Variants in CTBP2 observed in about 807,000 individuals in gnomAD.
The protein encoded by CTBP2 is C-terminal binding protein 2.
A neutral mutation model predicts 80.3 loss-of-function variants in CTBP2; 30 were observed. That is an observed-to-expected ratio of 0.37 (90% confidence interval 0.28 to 0.51). The LOEUF is 0.51. CTBP2 is among the 20% of genes least tolerant of loss of function. CTBP2 has a pLI of 0.93. For synonymous variants in CTBP2, 594 were observed against 587.4 expected, an observed-to-expected ratio of 1.01 and a Z score of -0.16; for missense variants, 1,212 against 1,375.3, an observed-to-expected ratio of 0.88 and a Z score of 1.88.
At chr10:125,041,928 T>TAA (rs61316302) in intron 2 of CTBP2, among the ~76,000 whole-genome samples, 1 of 123,214 alleles carries the variant, frequency 8.1e-6, no homozygotes, top group Non-Finnish European at 1.7e-5. Context: ...ATTCCACTAT[T>TAA]AAAAAAAAAA....
intron 1 of CTBP2, among the ~76,000 whole-genome samples, chr10:125,015,580 C>A (rs1289083165): frequency 1.3e-5 from 2 of 152,212 alleles, no homozygotes; most frequent in Non-Finnish European, 2.9e-5. Context: ...CCCATGCAGC[C>A]CAAACCCTAG....
intron 3 of CTBP2, among the ~76,000 whole-genome samples, chr10:125,001,913 C>T (rs574526446): frequency 4.6e-5 from 7 of 152,326 alleles, no homozygotes; most frequent in South Asian, 2.1e-4. Flanking sequence ...TCCCTGAAAA[C>T]GTGGCCGGTG....
chr10:124,984,758 C>T lies in CTBP2; in HGVS notation c.*4760G>A. ...TGTTGTATGATTTTCCCTTTGTCTT[C>T]ATATTCCTCCAAAAGCTAGGTAATG... On this transcript the variant is annotated 3_prime_UTR_variant, in exon 9 of 9. Transcript: ENST00000309035. 6.2e-7 allele frequency: 1 copy of T among 1,610,302 alleles called. No individual in the cohort carries two copies. Among genetic ancestry groups the T allele is most frequent in the Non-Finnish European group, 8.5e-7 (1 of 1,177,570 alleles).
intron 2 of CTBP2, among the ~76,000 whole-genome samples, chr10:125,059,794 T>A (rs1048063786): frequency 6.6e-6 from 1 of 150,402 alleles, no homozygotes; most frequent in Non-Finnish European, 1.5e-5. Context: ...CCCCACCAGC[T>A]CCAGGAGGCG....
At chr10:125,045,062 T>C (rs755998497) in intron 2 of CTBP2, among the ~76,000 whole-genome samples, 6 of 152,196 alleles carry the variant, frequency 3.9e-5, no homozygotes, top group South Asian at 2.1e-4. Flanking sequence ...GTGCAAACCC[T>C]AATGCCCACA....
intron 1 of CTBP2, among the ~76,000 whole-genome samples, chr10:125,019,267 TTTCTACATCGCTAACGTG>T (rs1359589589): frequency 7.2e-5 from 11 of 152,214 alleles, no homozygotes; most frequent in South Asian, 2.1e-4. Flanking sequence ...ATCACACTCG[TTTCTACATCGCTAACGTG>T]GGCTAATTAG....
In CTBP2 at chr10:125,145,919, GA is replaced by G. The variant is rs750240478; in HGVS notation, c.-206+14399del. ...AGGACCATTTTGCTTTTCCAAGTGA[GA>G]TTTTTTTTTTTTTTTAATTTGAGAC... On this transcript the variant is annotated intron_variant, in intron 1 of 10. Transcript: ENST00000337195. 3.9e-3 allele frequency among the ~76,000 whole-genome samples: 593 copies of G among 151,414 alleles called. 1 individual carries two copies. The highest frequency in any genetic ancestry group is 6.9e-3 in the Middle Eastern group (2 of 290).
rs2134689490 is a variant in CTBP2, at chr10:125,026,702, A to G, written c.1058T>C (p.Met353Thr). The change falls in exon 1 of 9, where the codon ATG becomes ACG. Residue 353 changes from methionine to threonine, a missense_variant. By Grantham distance (81) the Met-to-Thr change is moderately conservative. Coordinates refer to ENST00000309035, the MANE Select transcript of CTBP2 (RefSeq NM_022802.3). ...CCCCCGGTCCTGCCTCCGCAGCTGC[A>G]TTTCGGTCCTGCAGCTATTGGCCAG... The G allele has an allele frequency of 1.9e-6, 3 of 1,612,378 alleles. No individual in the cohort carries two copies. The highest frequency in any genetic ancestry group is 2.2e-5 in the East Asian group (1 of 44,852).
intron 1 of CTBP2, among the ~76,000 whole-genome samples, chr10:125,020,852 G>A (rs1265834458): frequency 6.6e-6 from 1 of 152,166 alleles, no homozygotes; most frequent in Non-Finnish European, 1.5e-5. Flanking sequence ...GCGCTGTCGA[G>A]GGGGACACAC....
chr10:125,020,725 G>A (rs1466182578), intron 1 of CTBP2, among the ~76,000 whole-genome samples: 1 of 152,158 alleles, frequency 6.6e-6, no homozygotes, highest in Admixed American at 6.5e-5. Context: ...GAGGAGCCCA[G>A]CCTGTTACGC....
chr10:125,145,190 G>T (rs1858527947), intron 1 of CTBP2, among the ~76,000 whole-genome samples: 1 of 152,206 alleles, frequency 6.6e-6, no homozygotes, highest in Admixed American at 6.5e-5. Flanking sequence ...GGAGTGGTTT[G>T]TTTTTGAAGA....
intron 2 of CTBP2, among the ~76,000 whole-genome samples, chr10:125,060,621 T>G (rs2135337249): frequency 6.6e-6 from 1 of 152,344 alleles, no homozygotes; most frequent in Middle Eastern, 3.4e-3. Context: ...TTCCCGAGTT[T>G]CCATCTCTGC....
At chr10:125,111,489 T>C (rs1040488465) in intron 1 of CTBP2, among the ~76,000 whole-genome samples, 1 of 152,186 alleles carries the variant, frequency 6.6e-6, no homozygotes, top group South Asian at 2.1e-4. Flanking sequence ...AAAGTGCAAA[T>C]CATGAGCCCA....
At chr10:125,034,016 T>TCCCTGG (rs1370557539) in intron 3 of CTBP2, among the ~76,000 whole-genome samples, 2 of 151,966 alleles carry the variant, frequency 1.3e-5, no homozygotes, top group Admixed American at 6.5e-5. Context: ...GCACTACACA[T>TCCCTGG]CCCTGGCCCC....
upstream of CTBP2, among the ~76,000 whole-genome samples, chr10:125,031,522 T>A (rs1187905417): frequency 8.9e-6 from 1 of 112,650 alleles, no homozygotes; most frequent in Non-Finnish European, 1.8e-5. Context: ...AAGTCTTTCC[T>A]CTCATCAACC....
rs377643899 is a variant in CTBP2 at position 124,984,928 on chromosome 10, G to A, written c.*4590C>T. ...GTAGAAAAATGGCTTGACCGCTACC[G>A]ACAGATCCGGCCGTGTACATCCCTG... On this transcript the variant is annotated 3_prime_UTR_variant, in exon 9 of 9. Transcript: ENST00000309035. 16 of 1,613,766 alleles carry A rather than the reference G, an allele frequency of 9.9e-6. No individual in the cohort carries two copies. In the Admixed American group the frequency reaches 1.3e-4, roughly 13 times the overall value.
At chr10:125,024,793 G>C (rs1363942603) in intron 1 of CTBP2, among the ~76,000 whole-genome samples, 1 of 152,188 alleles carries the variant, frequency 6.6e-6, no homozygotes, top group East Asian at 1.9e-4. Context: ...CAGGCCCTCG[G>C]AAAAATTATC....
intron 2 of CTBP2, chr10:125,100,871 T>G (rs894753126): frequency 2.6e-5 from 4 of 152,234 alleles, no homozygotes. Context: ...GTATTTTAAA[T>G]GAGATGAAGA....
At chr10:125,058,427 C>T (rs1019550633) in intron 2 of CTBP2, among the ~76,000 whole-genome samples, 1 of 152,182 alleles carries the variant, frequency 6.6e-6, no homozygotes, top group South Asian at 2.1e-4. Context: ...CCAAGCTAAC[C>T]GCCAAGGATC....
Sources: gnomAD v4.1 joint callset for allele counts (sites outside exome capture counted in the v4.1 genomes callset) on GRCh38, gnomAD v4.1.1 for gene constraint, MANE v1.5 for transcripts, NCBI Gene and HGNC (gene_info 2026-07-23, HGNC 2026-07-21) for gene names.